Variants in PTPRG observed in about 807,000 individuals in gnomAD.
PTPRG encodes the protein protein tyrosine phosphatase receptor type G, also known as receptor-type tyrosine-protein phosphatase gamma.
A neutral mutation model predicts 165.3 loss-of-function variants in PTPRG; 102 were observed. The observed-to-expected ratio is 0.62, with a 90% confidence interval of 0.53 to 0.73. The LOEUF (loss-of-function observed/expected upper bound fraction) is 0.73. PTPRG is among the 30% of genes least tolerant of loss of function. The pLI is 0.00. For missense variants in PTPRG, 1,866 were observed against 1,861.4 expected, an observed-to-expected ratio of 1.00 and a Z score of -0.05; for synonymous variants, 675 against 669.5, an observed-to-expected ratio of 1.01 and a Z score of -0.13.
intron 7 of PTPRG, among the ~76,000 whole-genome samples, chr3:62,164,273 A>G (rs1401145897): frequency 2.6e-5 from 4 of 152,198 alleles, no homozygotes; most frequent in Admixed American, 2.6e-4. Flanking sequence ...GTGTGGGGAC[A>G]GACTGAAGTT....
intron 1 of PTPRG, among the ~76,000 whole-genome samples, chr3:61,662,556 TTTG>T (rs144525197): frequency 7.2e-4 from 110 of 152,350 alleles, no homozygotes; most frequent in African/African-American, 2.6e-3. Context: ...ATGATAAATG[TTTG>T]TTGTTAGAAG....
chr3:61,745,090 T>C (rs1369945430), intron 1 of PTPRG, among the ~76,000 whole-genome samples: 2 of 149,324 alleles, frequency 1.3e-5, no homozygotes, highest in Non-Finnish European at 3.0e-5. Flanking sequence ...CTTGCTCTGT[T>C]GCCAGGCTGG....
chr3:62,220,464 A>G (rs555934626), intron 13 of PTPRG, among the ~76,000 whole-genome samples: 4 of 152,154 alleles, frequency 2.6e-5, no homozygotes, highest in African/African-American at 9.6e-5. Context: ...TTCATTGTGT[A>G]TAGATCTATT....
At chr3:61,672,344 G>A (rs12488203) in intron 1 of PTPRG, among the ~76,000 whole-genome samples, 68,804 of 134,476 alleles carry the variant, frequency 0.51, 18,553 homozygotes, top group South Asian at 0.65. Context: ...CTGCAATCTC[G>A]GCACTTTGGG....
chr3:61,838,068 G>T (rs570671514), intron 2 of PTPRG, among the ~76,000 whole-genome samples: 20 of 152,286 alleles, frequency 1.3e-4, no homozygotes, highest in African/African-American at 4.6e-4. Context: ...TATGAATGTT[G>T]CAGGGGAGGC....
At chr3:62,200,796 C>T (rs1315040327) in intron 10 of PTPRG, among the ~76,000 whole-genome samples, 2 of 152,048 alleles carry the variant, frequency 1.3e-5, no homozygotes, top group African/African-American at 2.4e-5. Context: ...AAAAATATAA[C>T]AGTACACAAA....
intron 5 of PTPRG, among the ~76,000 whole-genome samples, chr3:62,106,637 G>A (rs929972827): frequency 6.6e-6 from 1 of 151,894 alleles, no homozygotes; most frequent in African/African-American, 2.4e-5. Context: ...CCAGTAGCTG[G>A]GACTACGGGC....
intron 2 of PTPRG, among the ~76,000 whole-genome samples, chr3:61,825,802 C>T (rs367660327): frequency 1.4e-5 from 2 of 144,920 alleles, no homozygotes; most frequent in Admixed American, 7.0e-5. Context: ...TTCCCTACCA[C>T]ATCCAGCTAC....
chr3:61,950,125 T>C (rs1018492459), intron 2 of PTPRG, among the ~76,000 whole-genome samples: 12 of 152,328 alleles, frequency 7.9e-5, no homozygotes, highest in African/African-American at 2.9e-4. Flanking sequence ...ACTAGTAATA[T>C]AAAGTTTTAA....
chr3:61,944,906 C>T (rs766317734), intron 2 of PTPRG, among the ~76,000 whole-genome samples: 6 of 152,140 alleles, frequency 3.9e-5, no homozygotes, highest in East Asian at 1.9e-4. Flanking sequence ...TGAAATTCCC[C>T]GTGGCATTAG....
At chr3:61,832,380 TATGAG>T (rs2036324492) in intron 2 of PTPRG, among the ~76,000 whole-genome samples, 1 of 152,208 alleles carries the variant, frequency 6.6e-6, no homozygotes, top group South Asian at 2.1e-4. Flanking sequence ...CTCATAACCC[TATGAG>T]ATAGGTACTG....
At chr3:62,186,965 G>A (rs1388911888) in intron 8 of PTPRG, among the ~76,000 whole-genome samples, 1 of 152,190 alleles carries the variant, frequency 6.6e-6, no homozygotes, top group African/African-American at 2.4e-5. Flanking sequence ...TGTGGAAGGG[G>A]AACATGTCAC....
At chr3:62,017,572 C>T (rs568826440) in intron 4 of PTPRG, among the ~76,000 whole-genome samples, 11 of 143,792 alleles carry the variant, frequency 7.6e-5, no homozygotes, top group South Asian at 7.2e-4. Flanking sequence ...CCCACCACCG[C>T]GCCCGGCTAA....
intron 5 of PTPRG, among the ~76,000 whole-genome samples, chr3:62,113,570 G>A (rs1027028681): frequency 3.9e-5 from 6 of 151,946 alleles, no homozygotes; most frequent in South Asian, 2.1e-4. Flanking sequence ...ATGTGTTTTC[G>A]AAATGCAGAT....
intron 6 of PTPRG, among the ~76,000 whole-genome samples, chr3:62,140,777 G>T (rs758427639): frequency 6.6e-6 from 1 of 151,150 alleles, no homozygotes; most frequent in Non-Finnish European, 1.5e-5. Context: ...AACCCGGGAG[G>T]TGGAGGTTGC....
At position 62,124,563 on chromosome 3, in the gene PTPRG, A is replaced by C. The variant is rs1467497623; in HGVS notation, c.616-8039A>C. ...TGGGAGATGCCCAGGCGGTGGTCCA[A>C]CAGGCTGTTTTTCCTAATGGACCTC... On this transcript the variant is annotated intron_variant, in intron 5 of 29. Coordinates refer to ENST00000474889, the MANE Select transcript of PTPRG (RefSeq NM_002841.4). 3.6e-6 allele frequency: 5 copies of C among 1,373,944 alleles called. No individual in the cohort carries two copies. In the African/African-American group the frequency reaches 7.1e-5, roughly 20 times the overall value. The allele number at this position is 1,373,944 out of a possible 1,614,324, so 85.1% of individuals were successfully genotyped here. A position where few individuals can be genotyped will look rare whatever the true frequency, so the allele number is the denominator to read the frequency against.
intron 8 of PTPRG, among the ~76,000 whole-genome samples, chr3:62,173,088 G>A (rs1449656389): frequency 1.3e-5 from 2 of 152,104 alleles, no homozygotes; most frequent in African/African-American, 4.8e-5. Flanking sequence ...ATATAAAATG[G>A]TGTTGTATTT....
At chr3:62,148,507 C>T (rs1704205196) in intron 6 of PTPRG, among the ~76,000 whole-genome samples, 1 of 152,186 alleles carries the variant, frequency 6.6e-6, no homozygotes. Flanking sequence ...CGACTATAAT[C>T]CTAGCACTTT....
intron 4 of PTPRG, among the ~76,000 whole-genome samples, chr3:62,035,236 A>T (rs1452150085): frequency 6.6e-6 from 1 of 152,222 alleles, no homozygotes; most frequent in Non-Finnish European, 1.5e-5. Flanking sequence ...AAGTAACATG[A>T]ATTCATGGTC....
Sources: gnomAD v4.1 joint callset for allele counts (sites outside exome capture counted in the v4.1 genomes callset) on GRCh38, gnomAD v4.1.1 for gene constraint, MANE v1.5 for transcripts, NCBI Gene and HGNC (gene_info 2026-07-23, HGNC 2026-07-21) for gene names.